The following ERBIN variants were observed in gnomAD, a reference collection of about 807,000 sequenced individuals.
ERBIN encodes erbb2 interacting protein.
In ERBIN, 60 loss-of-function variants were observed where a neutral mutation model predicts 158.4. That is an observed-to-expected ratio of 0.38 (90% CI 0.31 to 0.47). The LOEUF is 0.47. Among genes scored for constraint, ERBIN ranks in the 20% least tolerant of loss-of-function variants. The pLI is 0.99. For missense variants in ERBIN, 1,610 were observed against 1,648.0 expected, an observed-to-expected ratio of 0.98 and a Z score of 0.40; for synonymous variants, 594 against 557.2, an observed-to-expected ratio of 1.07 and a Z score of -0.93.
intron 1 of ERBIN, among the ~76,000 whole-genome samples, chr5:65,952,755 T>G (rs1394639324): frequency 6.6e-6 from 1 of 152,172 alleles, no homozygotes; most frequent in South Asian, 2.1e-4. Flanking sequence ...ATAGAACTTG[T>G]GGTTTACAGT....
intron 21 of ERBIN, among the ~76,000 whole-genome samples, chr5:66,059,919 G>A (rs1229517023): frequency 6.6e-6 from 1 of 152,152 alleles, no homozygotes; most frequent in Non-Finnish European, 1.5e-5. Flanking sequence ...GCTTTTTGAT[G>A]TGTTGCTGGA....
At chr5:65,958,466 C>G (rs186644782) in intron 1 of ERBIN, among the ~76,000 whole-genome samples, 6,072 of 152,198 alleles carry the variant, frequency 0.04, 395 homozygotes, top group African/African-American at 0.14. Context: ...CAAAAAAATA[C>G]GAAAACCAGT....
chr5:65,947,007 T>C (rs958387737), intron 1 of ERBIN, among the ~76,000 whole-genome samples: 1 of 152,086 alleles, frequency 6.6e-6, no homozygotes, highest in African/African-American at 2.4e-5. Context: ...ATGGATCCGT[T>C]TTTGGATATA....
chr5:66,075,251 T>C (rs750546198), intron 23 of ERBIN, 21 bp downstream of exon 23: 1 of 1,586,308 alleles, frequency 6.3e-7, no homozygotes, highest in Non-Finnish European at 8.7e-7. Context: ...TCAAGACTAT[T>C]TGAAATATGG....
intron 1 of ERBIN, among the ~76,000 whole-genome samples, chr5:65,941,607 G>A (rs251320): frequency 0.8 from 119,942 of 150,194 alleles, 47,943 homozygotes; most frequent in Non-Finnish European, 0.86. Flanking sequence ...TTTAATTATT[G>A]TAGTAGGCTT....
intron 1 of ERBIN, among the ~76,000 whole-genome samples, chr5:65,976,720 T>TA (rs1241339154): frequency 2.0e-5 from 3 of 151,744 alleles, no homozygotes; most frequent in South Asian, 4.2e-4. Flanking sequence ...TGATGACTCT[T>TA]ACGGAGCATG....
intron 4 of ERBIN, among the ~76,000 whole-genome samples, chr5:66,008,846 T>C (rs1465258819): frequency 6.6e-6 from 1 of 152,212 alleles, no homozygotes; most frequent in African/African-American, 2.4e-5. Flanking sequence ...TTAAGAATTA[T>C]GTACCACAAC....
intron 21 of ERBIN, among the ~76,000 whole-genome samples, chr5:66,057,661 A>G (rs1580491786): frequency 1.3e-5 from 2 of 149,844 alleles, no homozygotes; most frequent in South Asian, 2.2e-4. Context: ...TTAACTCGTC[A>G]TTTAGCATTA....
chr5:66,021,460 T>G (rs1378156827), intron 8 of ERBIN, 75 bp downstream of exon 8: 4 of 1,113,062 alleles, frequency 3.6e-6, no homozygotes, highest in Non-Finnish European at 5.2e-6. Context: ...TTAATGTATT[T>G]CTCTTACAAA....
chr5:65,993,045 C>T (rs376292823), intron 3 of ERBIN, 138 bp downstream of exon 3: 56 of 518,888 alleles, frequency 1.1e-4, no homozygotes, highest in African/African-American at 5.3e-4. Context: ...TAGAGTATGC[C>T]GTACAATTCA....
At chr5:65,953,517 T>TG (rs1419300053) in intron 1 of ERBIN, among the ~76,000 whole-genome samples, 1 of 152,176 alleles carries the variant, frequency 6.6e-6, no homozygotes, top group Admixed American at 6.5e-5. Flanking sequence ...GGATCCATGT[T>TG]GCTACATTTC....
intron 1 of ERBIN, among the ~76,000 whole-genome samples, chr5:65,967,181 A>AT (rs1393977962): frequency 6.6e-6 from 1 of 152,222 alleles, no homozygotes; most frequent in Admixed American, 6.5e-5. Flanking sequence ...AAAAGTTAAG[A>AT]TTTTTTTAAA....
chr5:65,959,098 C>T, intron 1 of ERBIN, among the ~76,000 whole-genome samples: 1 of 152,140 alleles, frequency 6.6e-6, no homozygotes, highest in Non-Finnish European at 1.5e-5. Flanking sequence ...GTCAAATTGT[C>T]ATCAAGGACA....
chr5:66,035,268 C>G (rs1757284987), intron 14 of ERBIN, among the ~76,000 whole-genome samples: 1 of 152,136 alleles, frequency 6.6e-6, no homozygotes, highest in South Asian at 2.1e-4. Context: ...TAGCTCAATT[C>G]CTACTTAACA....
chr5:66,047,202 A>G (rs1171782877), intron 18 of ERBIN, among the ~76,000 whole-genome samples: 4 of 152,038 alleles, frequency 2.6e-5, no homozygotes, highest in Middle Eastern at 3.2e-3. Flanking sequence ...TATTCTTGAC[A>G]TTTCATTTAA....
intron 4 of ERBIN, among the ~76,000 whole-genome samples, chr5:65,997,463 A>G (rs1752555480): frequency 6.6e-6 from 1 of 152,208 alleles, no homozygotes; most frequent in Non-Finnish European, 1.5e-5. Context: ...GATATTCATT[A>G]AGTATGGAAG....
chr5:66,013,890 T>A (rs538275456), intron 6 of ERBIN, among the ~76,000 whole-genome samples: 1 of 152,144 alleles, frequency 6.6e-6, no homozygotes, highest in African/African-American at 2.4e-5. Context: ...ATGGGGTTAA[T>A]TTCTGTATGC....
chr5:66,054,694 C>A lies in ERBIN; in HGVS notation c.3376C>A (p.Pro1126Thr). The A allele has an allele frequency of 6.8e-6, 11 of 1,614,058 alleles. No homozygotes were observed. The highest frequency in any genetic ancestry group is 8.5e-6 in the Non-Finnish European group (10 of 1,179,982). Reference sequence around the variant, plus strand: ...TCCAATGATGCCAGGATCACAGAGACCCCTTTCTGCACGAACATACAGCAT... The same window carrying A: ...TCCAATGATGCCAGGATCACAGAGAACCCTTTCTGCACGAACATACAGCAT... ...TPPMMPGSQR[P>T]LSARTYSIDG... Residue 1126 changes from proline to threonine, a missense_variant, in exon 21 of 26, where the codon CCC becomes ACC. Around this residue, in one of 2 missense-constraint regions of ERBIN, gnomAD observed 1,014 missense variants for 936.1 expected, o/e 1.08. Transcript: ENST00000284037.
intron 1 of ERBIN, among the ~76,000 whole-genome samples, chr5:65,938,728 T>G (rs2150867033): frequency 6.6e-6 from 1 of 152,252 alleles, no homozygotes; most frequent in Non-Finnish European, 1.5e-5. Flanking sequence ...AATTTTTGTA[T>G]TTTTAGTAGA....
Sources: allele counts gnomAD v4.1 joint callset (sites outside exome capture counted in the v4.1 genomes callset), GRCh38; gene constraint gnomAD v4.1.1; regional missense constraint gnomAD v4.1.1; transcripts MANE v1.5; gene names NCBI Gene and HGNC (gene_info 2026-07-23, HGNC 2026-07-21).